The following SLC4A1 variants were observed in gnomAD, a reference collection of about 807,000 sequenced individuals.
SLC4A1 encodes band 3 anion transport protein.
In SLC4A1, 29 loss-of-function variants were observed where a neutral mutation model predicts 93.1. The ratio of observed to expected loss-of-function variants is 0.31; its 90% CI spans 0.23 to 0.42. The LOEUF (loss-of-function observed/expected upper bound fraction) is 0.42, where lower values mean the gene tolerates loss of function less well. Among genes scored for constraint, SLC4A1 ranks in the 20% least tolerant of loss-of-function variants. The pLI is 1.00. For synonymous variants in SLC4A1, 469 were observed against 497.2 expected (o/e 0.94, Z 0.76); for missense variants, 965 against 1,190.1 (o/e 0.81, Z 2.78).
rs776884881 is a variant in SLC4A1, at chr17:44,254,606, G to A, written c.1947C>T (p.Val649=). The A allele has an allele frequency of 1.2e-6, 2 of 1,614,128 alleles. No individual in the cohort carries two copies. Among genetic ancestry groups the A allele is most frequent in the Non-Finnish European group, 8.5e-7 (1 of 1,179,980 alleles). Reference sequence around the variant, plus strand: ...CGGAACGCAAGCCCAGTGGGTGGATGACCCAGCCCCGGGCTGAGGAGTTGG... The same window carrying A: ...CGGAACGCAAGCCCAGTGGGTGGATAACCCAGCCCCGGGCTGAGGAGTTGG... ...KVSNSSARGW[V]IHPLGLRSEF... is the part of the protein sequence containing the mutation. The change falls in exon 16 of 20, where the codon GTC becomes GTT. Residue 649 remains valine, a synonymous_variant. Transcript: ENST00000262418.
intron 7 of SLC4A1, 100 bp from the exon 8 acceptor site, chr17:44,259,681 A>T: frequency 6.5e-7 from 1 of 1,527,424 alleles, no homozygotes; most frequent in Non-Finnish European, 9.1e-7. Context: ...CTCTCCTGGC[A>T]CCCCCCGGGC....
intron 14 of SLC4A1, 32 bp downstream of exon 14, chr17:44,255,641 T>C (rs781686829): frequency 2.5e-6 from 4 of 1,610,068 alleles, no homozygotes; most frequent in African/African-American, 1.3e-5. Flanking sequence ...TAGGGCAGTG[T>C]TGGCAAGGAC....
intron 14 of SLC4A1, 40 bp downstream of exon 14, chr17:44,255,633 G>A (rs946309097): frequency 6.2e-7 from 1 of 1,600,578 alleles, no homozygotes; most frequent in Non-Finnish European, 8.6e-7. Context: ...GGCTGGGATA[G>A]GGCAGTGTTG....
In SLC4A1 at chr17:44,250,396, C is replaced by T. The variant is rs1008846860; in HGVS notation, c.*62G>A. On this transcript the variant is annotated 3_prime_UTR_variant, in exon 20 of 20. Coordinates refer to ENST00000262418, the MANE Select transcript of SLC4A1 (RefSeq NM_000342.4). Reference sequence around the variant, plus strand: ...TCCATGAGGTGCCCATGAACTTCTGCTTTTCCTTGGAAGGTGGGGATGTGG... The same window carrying T: ...TCCATGAGGTGCCCATGAACTTCTGTTTTTCCTTGGAAGGTGGGGATGTGG... 2.9e-6 allele frequency: 4 copies of T among 1,397,826 alleles called. No individual in the cohort carries two copies. Among genetic ancestry groups the T allele is most frequent in the Admixed American group, 1.7e-5 (1 of 59,634 alleles). The allele number at this position is 1,397,826 out of a possible 1,614,324, so 86.6% of individuals were successfully genotyped here.
In SLC4A1 at chr17:44,254,627, G is replaced by A. The variant is rs773993401; in HGVS notation, c.1926C>T (p.Asn642=). 6 of 1,614,092 alleles carry A rather than the reference G, an allele frequency of 3.7e-6. No individual in the cohort carries two copies. In the East Asian group the frequency reaches 1.3e-4, roughly 36 times the overall value. Residue 642 remains asparagine, a synonymous_variant, in exon 16 of 20, where the codon AAC becomes AAT. Transcript: ENST00000262418. ...GGATGACCCAGCCCCGGGCTGAGGA[G>A]TTGGACACCTTGAAGCCATCAGGCA... is the stretch of plus-strand genomic sequence containing the variant. The part of the protein sequence containing the change: ...LSVPDGFKVS[N]SSARGWVIHP...
At chr17:44,255,176 T>A in intron 15 of SLC4A1, 31 bp downstream of exon 15, 1 of 1,480,200 alleles carries the variant, frequency 6.8e-7, no homozygotes. Flanking sequence ...CTGGGGGGTA[T>A]CATGGTCTGA....
chr17:44,258,093 T>C lies in SLC4A1; in HGVS notation c.1175A>G (p.Tyr392Cys), dbSNP rs2047406606. Residue 392 changes from tyrosine to cysteine, a missense_variant, in exon 11 of 20, where the codon TAT becomes TGT. Transcript: ENST00000262418. This position sits in a 1 kb window ranked among gnomAD's most constrained non-coding sequence, Gnocchi z 6.1. ...TGCATCTGTGATGTCACTCAGGTAA[T>C]AGGGGTAGCGGCGCCGGATATCACG... is the stretch of plus-strand genomic sequence containing the variant. Reference protein sequence around the residue: ...LVRDIRRRYPYYLSDITDAFS... With the variant: ...LVRDIRRRYPCYLSDITDAFS... The C allele has an allele frequency of 1.2e-6, 2 of 1,613,718 alleles. No homozygotes were observed. The highest frequency in any genetic ancestry group is 1.7e-6 in the Non-Finnish European group (2 of 1,179,924).
chr17:44,262,204 C>A, intron 3 of SLC4A1: 1 of 384,802 alleles, frequency 2.6e-6, no homozygotes, highest in Non-Finnish European at 3.9e-6. Flanking sequence ...CTGCCTGGGG[C>A]TCCCCACCTA....
rs529884397 is a variant in SLC4A1, at chr17:44,260,116, C to T, written c.486-184G>A. Among the ~76,000 whole-genome samples, 9 of 152,258 alleles carry T rather than the reference C, an allele frequency of 5.9e-5. No individual in the cohort carries two copies. The East Asian group carries it at 1.2e-3, about 20-fold the overall frequency. On this transcript the variant is annotated intron_variant, in intron 6 of 19. Coordinates refer to ENST00000262418, the MANE Select transcript of SLC4A1 (RefSeq NM_000342.4). ...AGAATCAGAGCCTCCTCTCCAAGGA[C>T]GTTGTAGATGTAAGTGGGTGGCCTC...
intron 6 of SLC4A1, 96 bp downstream of exon 6, chr17:44,260,308 T>A: frequency 6.7e-7 from 1 of 1,482,584 alleles, no homozygotes; most frequent in Non-Finnish European, 9.2e-7. Context: ...CTGGTGAGGG[T>A]AGGGCCACCT....
In SLC4A1 at chr17:44,254,473, CCAG is replaced by C; in HGVS notation, c.2057+20_2057+22del. The C allele has an allele frequency of 7.6e-6, 12 of 1,571,608 alleles. No homozygotes were observed. The highest frequency in any genetic ancestry group is 9.6e-6 in the Non-Finnish European group (11 of 1,145,382). On this transcript the variant is annotated intron_variant, in intron 16 of 19. Transcript: ENST00000262418. ...GTCCCTGCCTCCCACCCTCCCAGGCCCAGCCCCCACCCTGTCTCTCACGTGGTG... is the reference window on the plus strand; with the variant it reads ...GTCCCTGCCTCCCACCCTCCCAGGCCCCCCCACCCTGTCTCTCACGTGGTG...
In SLC4A1 at chr17:44,251,222, G is replaced by A. The variant is rs749334811; in HGVS notation, c.2592C>T (p.Ile864=). 12 of 1,614,060 alleles carry A rather than the reference G, an allele frequency of 7.4e-6. No homozygotes were observed. Among genetic ancestry groups the A allele is most frequent in the Admixed American group, 1.7e-5 (1 of 59,986 alleles). The stretch of plus-strand genomic sequence containing the variant: ...GGACGCGCCGCAGCGGCACAGTGAG[G>A]ATGAGGACGAAGGGCAGGGCCAGGG... ...PASLALPFVL[I]LTVPLRRVLL... The change falls in exon 19 of 20, where the codon ATC becomes ATT. Residue 864 remains isoleucine (I), a synonymous_variant. Coordinates refer to ENST00000262418, the MANE Select transcript of SLC4A1 (RefSeq NM_000342.4).
At chr17:44,263,136 A>AG (rs1309821247) in intron 1 of SLC4A1, among the ~76,000 whole-genome samples, 1 of 152,162 alleles carries the variant, frequency 6.6e-6, no homozygotes, top group Non-Finnish European at 1.5e-5. Flanking sequence ...AGAGAGGGGC[A>AG]GTGCAGGGAA....
At chr17:44,254,277 C>CT (rs2047369156) in intron 16 of SLC4A1, among the ~76,000 whole-genome samples, 1 of 151,694 alleles carries the variant, frequency 6.6e-6, no homozygotes, top group African/African-American at 2.4e-5. Flanking sequence ...CGCCCGGCCA[C>CT]GTTTTTTTTT....
chr17:44,265,333 G>A (rs997436215), intron 1 of SLC4A1, among the ~76,000 whole-genome samples: 10 of 152,188 alleles, frequency 6.6e-5, no homozygotes, highest in East Asian at 1.9e-4. Flanking sequence ...TGGAGTCACC[G>A]GAGGAGGGGT....
In SLC4A1 at chr17:44,250,234, A is replaced by G; in HGVS notation, c.*224T>C. Reference sequence around the variant, plus strand: ...GGCAACAGGAGGGACTGTGCAACAAACCCCCTAATGTGGGCCCCATCGGCC... The same window carrying G: ...GGCAACAGGAGGGACTGTGCAACAAGCCCCCTAATGTGGGCCCCATCGGCC... On this transcript the variant is annotated 3_prime_UTR_variant, in exon 20 of 20. Coordinates refer to ENST00000262418, the MANE Select transcript of SLC4A1 (RefSeq NM_000342.4). 1 of 540,426 alleles carries G rather than the reference A, an allele frequency of 1.9e-6. No homozygotes were observed. Among genetic ancestry groups the G allele is most frequent in the Admixed American group, 3.1e-5 (1 of 32,648 alleles). The allele number at this position is 540,426 out of a possible 1,614,324, so 33.5% of individuals were successfully genotyped here.
chr17:44,251,201 G>A lies in SLC4A1; in HGVS notation c.2613C>T (p.Arg871=), dbSNP rs756340103. The A allele has an allele frequency of 1.3e-5, 21 of 1,613,078 alleles. No homozygotes were observed. Among genetic ancestry groups the A allele is most frequent in the East Asian group, 2.2e-5 (1 of 44,862 alleles). The change falls in exon 19 of 20, where the codon CGC becomes CGT. Residue 871 remains arginine (R), a synonymous_variant. Coordinates refer to ENST00000262418, the MANE Select transcript of SLC4A1 (RefSeq NM_000342.4). ...TCCTGAAGATGAGCGGCAGCAGGACGCGCCGCAGCGGCACAGTGAGGATGA... is the reference window on the plus strand; with the variant it reads ...TCCTGAAGATGAGCGGCAGCAGGACACGCCGCAGCGGCACAGTGAGGATGA... ...FVLILTVPLR[R]VLLPLIFRNV...
intron 13 of SLC4A1, among the ~76,000 whole-genome samples, chr17:44,256,993 CTT>C (rs1279174931): frequency 1.7e-4 from 24 of 142,296 alleles, no homozygotes; most frequent in Non-Finnish European, 1.5e-4. Context: ...ATGGCTCAGT[CTT>C]TTTTTTTTTT....
At chr17:44,263,100 G>A (rs756728798) in intron 1 of SLC4A1, among the ~76,000 whole-genome samples, 166 bp from the exon 2 acceptor site, 2 of 152,218 alleles carry the variant, frequency 1.3e-5, no homozygotes, top group South Asian at 2.1e-4. Context: ...ATTTGCAGGT[G>A]TGAGGGTAGG....
Sources: allele counts gnomAD v4.1 joint callset (sites outside exome capture counted in the v4.1 genomes callset), GRCh38; gene constraint gnomAD v4.1.1; non-coding constraint Gnocchi (gnomAD v3.1); transcripts MANE v1.5; gene names NCBI Gene and HGNC (gene_info 2026-07-23, HGNC 2026-07-21).